Variants in DAB1 observed in about 807,000 individuals in gnomAD.
DAB1 encodes DAB adaptor protein 1.
Under a neutral mutation model 64.6 loss-of-function variants are expected in DAB1, and 15 were observed. The ratio of observed to expected loss-of-function variants is 0.23; its 90% CI spans 0.16 to 0.36. The LOEUF (loss-of-function observed/expected upper bound fraction) is 0.36, where lower values mean the gene tolerates loss of function less well. Ranked by LOEUF, DAB1 falls within the 10% of genes least tolerant of loss-of-function variation. DAB1 has a pLI of 1.00. For synonymous variants in DAB1, 235 were observed against 251.9 expected (o/e 0.93, Z 0.64); for missense variants, 596 against 706.7 (o/e 0.84, Z 1.78).
intron 5 of DAB1, among the ~76,000 whole-genome samples, chr1:58,126,030 G>C (rs1448478070): frequency 6.6e-6 from 1 of 152,000 alleles, no homozygotes; most frequent in East Asian, 1.9e-4. Context: ...CTAAACACTG[G>C]ACTCCATTAT....
Position 57,503,640 on chromosome 1 carries a change from G to T in DAB1, n.625+145952C>A, listed in dbSNP as rs536905381. On this transcript the variant is annotated intron_variant and non_coding_transcript_variant, in intron 7 of 20. Transcript: ENST00000485760. ...CCTCAACTCTACTCATGCCCTGCCG[G>T]GCAATATTTCACTGCTTACTCTTCT... 1.4e-4 allele frequency among the ~76,000 whole-genome samples: 21 copies of T among 152,208 alleles called. No homozygotes were observed. The South Asian group carries it at 4.4e-3, about 32-fold the overall frequency.
At chr1:57,897,557 TTTA>T (rs1422244905) in intron 5 of DAB1, among the ~76,000 whole-genome samples, 9 of 152,160 alleles carry the variant, frequency 5.9e-5, no homozygotes, top group Non-Finnish European at 1.2e-4. Flanking sequence ...CCTCATATAT[TTTA>T]AGGTTGGGCT....
Position 57,026,035 on chromosome 1 carries a change from G to A in DAB1, c.732C>T (p.Thr244=). Residue 244 remains threonine (T), a synonymous_variant, in exon 10 of 15, where the codon ACC becomes ACT. Transcript: ENST00000371236. ...VPKSQPVSAV[T]QLELFGDMST... ...ACATGTCCCCAAAAAGTTCTAATTG[G>A]GTCACAGCCTGTAAAGACAAAAAGG... 1 of 1,600,212 alleles carries A rather than the reference G, an allele frequency of 6.2e-7. No homozygotes were observed. The highest frequency in any genetic ancestry group is 1.1e-5 in the South Asian group (1 of 87,918).
intron 4 of DAB1, among the ~76,000 whole-genome samples, chr1:58,334,626 TATATTATATCATATC>T (rs1286490665): frequency 1.5e-5 from 2 of 131,650 alleles, no homozygotes; most frequent in East Asian, 4.1e-4. Flanking sequence ...TATATTATAT[TATATTATATCATATC>T]ATATCATATC....
At chr1:58,368,173 G>T (rs1644232906) in intron 3 of DAB1, among the ~76,000 whole-genome samples, 1 of 152,180 alleles carries the variant, frequency 6.6e-6, no homozygotes, top group South Asian at 2.1e-4. Flanking sequence ...GCTGGCAGGG[G>T]TAATTGATTA....
intron 5 of DAB1, among the ~76,000 whole-genome samples, chr1:58,134,278 A>G (rs1462172916): frequency 2.0e-5 from 3 of 151,888 alleles, no homozygotes; most frequent in Non-Finnish European, 2.9e-5. Context: ...TAACATGGAG[A>G]AAAAAAAGCC....
chr1:57,565,607 A>C (rs1039228596), intron 7 of DAB1, among the ~76,000 whole-genome samples: 7 of 152,202 alleles, frequency 4.6e-5, no homozygotes, highest in Admixed American at 3.9e-4. Context: ...AAACAAAAAA[A>C]AGGCAGGGAT....
intron 6 of DAB1, among the ~76,000 whole-genome samples, chr1:57,779,197 A>C (rs938623097): frequency 1.3e-5 from 2 of 152,100 alleles, no homozygotes; most frequent in African/African-American, 4.8e-5. Context: ...GGGGGTTAAC[A>C]GTTGAGCTAA....
chr1:57,888,314 G>A (rs1644256443), upstream of DAB1, among the ~76,000 whole-genome samples: 1 of 151,782 alleles, frequency 6.6e-6, no homozygotes, highest in Admixed American at 6.6e-5. Context: ...CATTCCCTAG[G>A]TCCCTTTGTG....
rs558844809 is a variant in DAB1, at chr1:57,647,633, T to A, written n.625+1959A>T. 3.9e-5 allele frequency among the ~76,000 whole-genome samples: 6 copies of A among 152,324 alleles called. No homozygotes were observed. In the South Asian group the frequency reaches 8.3e-4, roughly 21 times the overall value. ...CACAGACCACTGAGTTTCCTCAATG[T>A]TTAAGGATGAATACTTTTAAAACAG... On this transcript the variant is annotated intron_variant and non_coding_transcript_variant, in intron 7 of 20. Coordinates refer to the DAB1 transcript ENST00000485760.
At chr1:57,048,744 T>C (rs1354975216) in intron 9 of DAB1, among the ~76,000 whole-genome samples, 1 of 152,218 alleles carries the variant, frequency 6.6e-6, no homozygotes, top group East Asian at 1.9e-4. Flanking sequence ...TCTGTTTATA[T>C]AGCAGGATAC....
chr1:57,909,456 T>C (rs547209611), intron 5 of DAB1, among the ~76,000 whole-genome samples: 23 of 152,330 alleles, frequency 1.5e-4, no homozygotes, highest in South Asian at 4.1e-4. Context: ...GTTTTCTTTG[T>C]TTTATTTTTA....
At chr1:58,516,999 C>A (rs183217961) in intron 2 of DAB1, among the ~76,000 whole-genome samples, 106 of 152,146 alleles carry the variant, frequency 7.0e-4, no homozygotes, top group African/African-American at 2.5e-3. Context: ...TTGAATGCTA[C>A]AATGGCAAGA....
chr1:57,060,369 C>T (rs1469036354), intron 9 of DAB1, among the ~76,000 whole-genome samples: 1 of 151,942 alleles, frequency 6.6e-6, no homozygotes, highest in Non-Finnish European at 1.5e-5. Context: ...CCAGGCTGGT[C>T]TCGAACTCCT....
intron 14 of DAB1, among the ~76,000 whole-genome samples, chr1:57,008,975 G>A (rs1219754014): frequency 6.6e-6 from 1 of 152,214 alleles, no homozygotes; most frequent in Non-Finnish European, 1.5e-5. Context: ...AGCATTAAAT[G>A]TGGAACAGAC....
intron 6 of DAB1, among the ~76,000 whole-genome samples, chr1:57,745,970 C>T (rs1019402058): frequency 6.6e-6 from 1 of 152,156 alleles, no homozygotes; most frequent in African/African-American, 2.4e-5. Flanking sequence ...ACTGTACATA[C>T]ACTACATATC....
At chr1:57,776,300 A>T (rs1307126585) in intron 6 of DAB1, among the ~76,000 whole-genome samples, 1 of 151,822 alleles carries the variant, frequency 6.6e-6, no homozygotes, top group East Asian at 1.9e-4. Context: ...TCCAAAAAAA[A>T]AATCAGAAAT....
At chr1:57,287,471 A>G (rs1672409698) in intron 2 of DAB1, among the ~76,000 whole-genome samples, 1 of 152,222 alleles carries the variant, frequency 6.6e-6, no homozygotes. Flanking sequence ...TAAATATTAT[A>G]ATGACAGATC....
chr1:57,778,010 G>T (rs933345737), intron 6 of DAB1, among the ~76,000 whole-genome samples: 1 of 152,132 alleles, frequency 6.6e-6, no homozygotes, highest in East Asian at 1.9e-4. Flanking sequence ...TCTTGGGCTT[G>T]TTTAACCCAA....
Sources: gnomAD v4.1 joint callset for allele counts (sites outside exome capture counted in the v4.1 genomes callset) on GRCh38, gnomAD v4.1.1 for gene constraint, MANE v1.5 for transcripts, NCBI Gene and HGNC (gene_info 2026-07-23, HGNC 2026-07-21) for gene names.